The following GSG1L variants were observed in gnomAD, a reference collection of about 807,000 sequenced individuals.
GSG1L encodes the protein GSG1 like.
A neutral mutation model predicts 42.1 loss-of-function variants in GSG1L; 24 were observed. The observed-to-expected ratio is 0.57, with a 90% CI of 0.41 to 0.80. The LOEUF (loss-of-function observed/expected upper bound fraction) is 0.80, where lower values mean the gene tolerates loss of function less well. GSG1L is among the 30% of genes least tolerant of loss of function. GSG1L has a pLI of 0.00. For synonymous variants in GSG1L, 215 were observed against 203.5 expected (o/e 1.06, Z -0.48); for missense variants, 445 against 472.2 (o/e 0.94, Z 0.53).
At chr16:27,803,769 A>ATATATATC (rs2082911804) in intron 6 of GSG1L, among the ~76,000 whole-genome samples, 1 of 13,600 alleles carries the variant, frequency 7.4e-5, no homozygotes, top group Non-Finnish European at 1.3e-4. Context: ...GTGCAGACAT[A>ATATATATC]TATATATATA....
chr16:27,835,871 C>G (rs1282952174), intron 4 of GSG1L, among the ~76,000 whole-genome samples: 2 of 152,104 alleles, frequency 1.3e-5, no homozygotes, highest in African/African-American at 2.4e-5. Flanking sequence ...ATCATGATTT[C>G]TGCTTCAACC....
At chr16:27,919,024 A>G (rs991016093) in intron 2 of GSG1L, among the ~76,000 whole-genome samples, 49 of 152,128 alleles carry the variant, frequency 3.2e-4, no homozygotes, top group Non-Finnish European at 1.3e-4. Context: ...AGGCACTACC[A>G]ATTGAGAATA....
At position 27,788,695 on chromosome 16, in the gene GSG1L, C is replaced by T. The variant is rs1422022432; in HGVS notation, c.*2675G>A. On this transcript the variant is annotated 3_prime_UTR_variant, in exon 7 of 7. Coordinates refer to ENST00000447459, the MANE Select transcript of GSG1L (RefSeq NM_001109763.2). ...CCCTAGACTACAGCTCCCACAGCCC[C>T]GATTTCCCCTTGTTGTCCTGTTAGT... is the stretch of plus-strand genomic sequence containing the variant. 1 of 152,242 alleles carries T rather than the reference C, an allele frequency of 6.6e-6. No individual in the cohort carries two copies. Among genetic ancestry groups the T allele is most frequent in the Admixed American group, 6.5e-5 (1 of 15,280 alleles). 9.4% of individuals were successfully genotyped at this position (152,242 alleles called of 1,614,324 possible).
intron 3 of GSG1L, among the ~76,000 whole-genome samples, chr16:27,877,301 G>T (rs1221760399): frequency 6.6e-6 from 1 of 152,126 alleles, no homozygotes; most frequent in East Asian, 1.9e-4. Flanking sequence ...GCCACATTAT[G>T]ACTTTTATGG....
At chr16:27,940,273 A>C (rs531062141) in intron 2 of GSG1L, among the ~76,000 whole-genome samples, 52 of 151,702 alleles carry the variant, frequency 3.4e-4, no homozygotes, top group African/African-American at 1.2e-3. Flanking sequence ...AACCAGTTCA[A>C]CCATTGTGGA....
intron 1 of GSG1L, among the ~76,000 whole-genome samples, chr16:28,037,672 A>G (rs1214945590): frequency 2.0e-5 from 3 of 152,240 alleles, no homozygotes; most frequent in Non-Finnish European, 4.4e-5. Context: ...TAATAATAAT[A>G]ATATAAAAAC....
At chr16:28,028,162 G>A (rs205382) in intron 1 of GSG1L, among the ~76,000 whole-genome samples, 31,405 of 152,048 alleles carry the variant, frequency 0.21, 3,648 homozygotes, top group South Asian at 0.48. Context: ...ACAATTGGCT[G>A]TGGGACTTTG....
rs891157264 is a variant in GSG1L at position 27,882,476 on chromosome 16, C to T, written c.550+2010G>A. On this transcript the variant is annotated intron_variant, in intron 3 of 6. Coordinates refer to ENST00000447459, the MANE Select transcript of GSG1L (RefSeq NM_001109763.2). ...ACTCTATAAAGCACTGAGACCCTCA[C>T]AAAACTCTCCAGCTTCATCTCTCAA... Among the ~76,000 whole-genome samples, 6 of 152,280 alleles carry T rather than the reference C, an allele frequency of 3.9e-5. No homozygotes were observed. The South Asian group carries it at 1.2e-3, about 32-fold the overall frequency.
intron 2 of GSG1L, among the ~76,000 whole-genome samples, chr16:27,907,001 T>A (rs1027110029): frequency 1.3e-5 from 2 of 152,132 alleles, no homozygotes; most frequent in Non-Finnish European, 2.9e-5. Flanking sequence ...TTCTCAGCAC[T>A]TGAGTATGGG....
chr16:27,959,872 C>T (rs555208128), intron 2 of GSG1L, among the ~76,000 whole-genome samples: 1 of 152,076 alleles, frequency 6.6e-6, no homozygotes, highest in East Asian at 1.9e-4. Context: ...GGCAGGAATC[C>T]GGATAAAAAA....
At chr16:28,046,498 C>T (rs1168069734) in intron 1 of GSG1L, among the ~76,000 whole-genome samples, 3 of 152,048 alleles carry the variant, frequency 2.0e-5, no homozygotes, top group South Asian at 2.1e-4. Flanking sequence ...GGACGACAGG[C>T]GCCCGCCACC....
intron 1 of GSG1L, among the ~76,000 whole-genome samples, chr16:27,977,384 C>T (rs1454617600): frequency 6.6e-6 from 1 of 151,856 alleles, no homozygotes; most frequent in East Asian, 1.9e-4. Flanking sequence ...AGTTTGAGAC[C>T]AACATGGTCA....
chr16:28,002,313 G>A (rs1386397750), intron 1 of GSG1L, among the ~76,000 whole-genome samples: 1 of 152,206 alleles, frequency 6.6e-6, no homozygotes, highest in Non-Finnish European at 1.5e-5. Flanking sequence ...ATGACGACAA[G>A]CTGGCCATGT....
intron 1 of GSG1L, among the ~76,000 whole-genome samples, chr16:27,986,395 G>T (rs929935395): frequency 2.0e-5 from 3 of 151,964 alleles, no homozygotes; most frequent in African/African-American, 7.3e-5. Context: ...AGCTACTTGG[G>T]AGGCTGAGGC....
chr16:27,877,713 G>T (rs2083905216), intron 3 of GSG1L, among the ~76,000 whole-genome samples: 1 of 152,094 alleles, frequency 6.6e-6, no homozygotes, highest in Non-Finnish European at 1.5e-5. Context: ...CCAAACCCCA[G>T]CCCCTGGGCC....
intron 6 of GSG1L, among the ~76,000 whole-genome samples, chr16:27,800,096 G>C (rs753935290): frequency 6.6e-6 from 1 of 152,066 alleles, no homozygotes; most frequent in Non-Finnish European, 1.5e-5. Context: ...TGGATCTCTC[G>C]ACCCCCAGTG....
intron 1 of GSG1L, among the ~76,000 whole-genome samples, chr16:28,044,267 T>G (rs1471607872): frequency 6.6e-6 from 1 of 151,822 alleles, no homozygotes; most frequent in African/African-American, 2.4e-5. Flanking sequence ...ATCCCAGCAC[T>G]TTGGGAGGCC....
At chr16:27,816,099 T>C (rs1190319600) in intron 5 of GSG1L, among the ~76,000 whole-genome samples, 1 of 152,222 alleles carries the variant, frequency 6.6e-6, no homozygotes, top group African/African-American at 2.4e-5. Context: ...CTCTGCGGTC[T>C]TTCTGGTCCT....
At chr16:27,963,608 C>T (rs2085095274) in intron 1 of GSG1L, among the ~76,000 whole-genome samples, 1 of 152,162 alleles carries the variant, frequency 6.6e-6, no homozygotes, top group Admixed American at 6.5e-5. Flanking sequence ...ACACACACAG[C>T]TTGCTCCTGT....
Sources: gnomAD v4.1 joint callset for allele counts (sites outside exome capture counted in the v4.1 genomes callset) on GRCh38, gnomAD v4.1.1 for gene constraint, MANE v1.5 for transcripts, NCBI Gene and HGNC (gene_info 2026-07-23, HGNC 2026-07-21) for gene names.